NCALD: variants seen among roughly 807,000 people sequenced by gnomAD.
NCALD encodes neurocalcin-delta.
In NCALD, 10 loss-of-function variants were observed where a neutral mutation model predicts 18.6. That is an observed-to-expected ratio of 0.54 (90% CI 0.33 to 0.91). The LOEUF is 0.91. Ranked by LOEUF, NCALD falls within the 40% of genes least tolerant of loss-of-function variation. The pLI is 0.03. For missense variants in NCALD, 184 were observed against 247.6 expected, an observed-to-expected ratio of 0.74 and a Z score of 1.72; for synonymous variants, 88 against 87.4, an observed-to-expected ratio of 1.01 and a Z score of -0.04.
upstream of NCALD, among the ~76,000 whole-genome samples, chr8:101,795,221 A>G (rs138151766): frequency 2.0e-5 from 3 of 152,326 alleles, no homozygotes; most frequent in African/African-American, 7.2e-5. Context: ...CTAGATATAT[A>G]TTTTTAATGG....
chr8:101,949,985 G>C lies in NCALD; in HGVS notation c.-156-34127C>G, dbSNP rs145271740. ...CCACTTGGTTGTCACCAGGCAACAA[G>C]GGGCTCTGAGCAGCACGTAATTAAA... On this transcript the variant is annotated intron_variant, in intron 2 of 6. Transcript: ENST00000311028. Among the ~76,000 whole-genome samples the C allele has an allele frequency of 4.3e-3, 661 of 152,310 alleles. 5 individuals are homozygous for C. The highest frequency in any genetic ancestry group is 0.015 in the African/African-American group (609 of 41,562).
chr8:101,829,639 G>A (rs745850910), intron 4 of NCALD, among the ~76,000 whole-genome samples: 19 of 137,230 alleles, frequency 1.4e-4, no homozygotes, highest in Admixed American at 2.2e-4. Context: ...ATCTTTTCTG[G>A]TACTTTTTCC....
At chr8:101,803,992 T>C (rs530888474) in intron 4 of NCALD, among the ~76,000 whole-genome samples, 94 of 152,236 alleles carry the variant, frequency 6.2e-4, no homozygotes, top group African/African-American at 2.2e-3. Flanking sequence ...CACTGTTGTC[T>C]TATTTTAAGA....
At chr8:102,042,890 CAG>C (rs1563568066) in intron 1 of NCALD, among the ~76,000 whole-genome samples, 1 of 151,858 alleles carries the variant, frequency 6.6e-6, no homozygotes. Context: ...CTGCCAGGCC[CAG>C]AGAGTTCAAG....
chr8:102,023,719 G>A (rs1052701715), intron 1 of NCALD, among the ~76,000 whole-genome samples: 3 of 152,296 alleles, frequency 2.0e-5, no homozygotes, highest in South Asian at 4.1e-4. Context: ...CCAAGGATTT[G>A]CCATAGAAAA....
At chr8:102,042,741 G>A (rs1586968728) in intron 1 of NCALD, among the ~76,000 whole-genome samples, 2 of 148,366 alleles carry the variant, frequency 1.3e-5, no homozygotes, top group East Asian at 4.0e-4. Context: ...CTGCATCGCA[G>A]AAGCTAGAGA....
chr8:101,824,019 T>C (rs932185258), intron 4 of NCALD, among the ~76,000 whole-genome samples: 3 of 152,178 alleles, frequency 2.0e-5, no homozygotes, highest in African/African-American at 7.2e-5. Context: ...GCTACAATTA[T>C]CCTGAACAAA....
At chr8:102,017,173 G>C (rs1159282128) in intron 2 of NCALD, among the ~76,000 whole-genome samples, 3 of 152,094 alleles carry the variant, frequency 2.0e-5, no homozygotes, top group Non-Finnish European at 4.4e-5. Context: ...ACAGGGGAGA[G>C]AAAGATAGAG....
chr8:102,103,812 A>T (rs960557454), intron 1 of NCALD, among the ~76,000 whole-genome samples: 2 of 152,256 alleles, frequency 1.3e-5, no homozygotes. Flanking sequence ...AAATCAACAG[A>T]AGAGAAACAT....
chr8:102,077,995 T>G (rs1047030376), intron 1 of NCALD, among the ~76,000 whole-genome samples: 1 of 152,170 alleles, frequency 6.6e-6, no homozygotes, highest in Non-Finnish European at 1.5e-5. Context: ...AATATCCAAG[T>G]AGCTGCTTGA....
At chr8:101,805,617 C>T (rs1311472653) in intron 4 of NCALD, among the ~76,000 whole-genome samples, 4 of 152,108 alleles carry the variant, frequency 2.6e-5, no homozygotes, top group Non-Finnish European at 5.9e-5. Flanking sequence ...ATGGAGAGGC[C>T]GTCCATAAGA....
At chr8:102,066,427 T>TA (rs1824010386) in intron 1 of NCALD, among the ~76,000 whole-genome samples, 1 of 152,336 alleles carries the variant, frequency 6.6e-6, no homozygotes, top group African/African-American at 2.4e-5. Flanking sequence ...AGAATCTTAT[T>TA]GCATTGCTCA....
chr8:101,762,019 T>C (rs534910077), intron 1 of NCALD, among the ~76,000 whole-genome samples: 1 of 152,286 alleles, frequency 6.6e-6, no homozygotes, highest in Non-Finnish European at 1.5e-5. Context: ...CTTGGGAGCA[T>C]AAGGGCAATT....
At chr8:101,730,489 A>C (rs1816777176) in intron 1 of NCALD, among the ~76,000 whole-genome samples, 1 of 150,904 alleles carries the variant, frequency 6.6e-6, no homozygotes, top group Admixed American at 6.6e-5. Context: ...CAAAAAAAAA[A>C]AAAAAAAAAA....
At chr8:102,077,900 C>T (rs570437255) in intron 1 of NCALD, among the ~76,000 whole-genome samples, 133 of 152,312 alleles carry the variant, frequency 8.7e-4, no homozygotes, top group African/African-American at 2.9e-3. Flanking sequence ...GCTCTATACA[C>T]ATTCTCTCTC....
intron 1 of NCALD, among the ~76,000 whole-genome samples, chr8:102,096,112 G>GT (rs1325898441): frequency 6.6e-6 from 1 of 152,204 alleles, no homozygotes; most frequent in Non-Finnish European, 1.5e-5. Context: ...GATCCAAAAG[G>GT]TAAGTTCAAA....
chr8:101,816,589 G>A (rs778774886), intron 4 of NCALD, among the ~76,000 whole-genome samples: 9 of 152,096 alleles, frequency 5.9e-5, no homozygotes, highest in Non-Finnish European at 8.8e-5. Flanking sequence ...GGGCTCCTGT[G>A]TCATATAAAA....
At chr8:101,963,855 T>C (rs1819924902) in intron 2 of NCALD, among the ~76,000 whole-genome samples, 1 of 152,138 alleles carries the variant, frequency 6.6e-6, no homozygotes, top group Non-Finnish European at 1.5e-5. Flanking sequence ...ATGATAATAG[T>C]GTGGTACAGT....
intron 1 of NCALD, among the ~76,000 whole-genome samples, chr8:102,062,059 A>C (rs930267983): frequency 2.0e-5 from 3 of 152,260 alleles, no homozygotes; most frequent in African/African-American, 7.2e-5. Context: ...GTTAAATATA[A>C]AATCCATATG....
Sources: allele counts gnomAD v4.1 joint callset (sites outside exome capture counted in the v4.1 genomes callset), GRCh38; gene constraint gnomAD v4.1.1; transcripts MANE v1.5; gene names NCBI Gene and HGNC (gene_info 2026-07-23, HGNC 2026-07-21).